The following TUBB6 variants were observed in gnomAD, a reference collection of about 807,000 sequenced individuals.
TUBB6 encodes the protein tubulin beta-6 chain.
TUBB6 carries 18 observed loss-of-function variants against 32.3 expected under a neutral mutation model. The observed-to-expected ratio is 0.56, with a 90% CI of 0.39 to 0.83. The LOEUF is 0.83. TUBB6 is among the 40% of genes least tolerant of loss of function. TUBB6 has a pLI of 0.00. For missense variants in TUBB6, 480 were observed against 632.0 expected (o/e 0.76, Z 2.58); for synonymous variants, 280 against 265.8 (o/e 1.05, Z -0.52).
intron 3 of TUBB6, among the ~76,000 whole-genome samples, chr18:12,319,673 G>C (rs1029035452): frequency 1.3e-5 from 2 of 152,154 alleles, no homozygotes; most frequent in African/African-American, 4.8e-5. Flanking sequence ...TTAAAGAAGA[G>C]CTGGGCTCAG....
chr18:12,315,129 A>G (rs994397902), intron 3 of TUBB6, among the ~76,000 whole-genome samples: 5 of 152,104 alleles, frequency 3.3e-5, no homozygotes, highest in African/African-American at 1.2e-4. Context: ...TAATCATGGT[A>G]TCATTTATAT....
chr18:12,319,826 G>A (rs1906886398), intron 3 of TUBB6, among the ~76,000 whole-genome samples: 3 of 151,916 alleles, frequency 2.0e-5, no homozygotes, highest in Non-Finnish European at 2.9e-5. Flanking sequence ...TCACTCTGTC[G>A]CCCAGGGTGG....
chr18:12,313,994 G>A (rs1027686730), intron 3 of TUBB6, among the ~76,000 whole-genome samples: 1 of 152,128 alleles, frequency 6.6e-6, no homozygotes, highest in East Asian at 1.9e-4. Flanking sequence ...TGTGAGAAAG[G>A]AAAAAGGACG....
At chr18:12,317,509 G>C (rs544949812) in intron 3 of TUBB6, among the ~76,000 whole-genome samples, 3 of 152,314 alleles carry the variant, frequency 2.0e-5, no homozygotes, top group Admixed American at 2.0e-4. Flanking sequence ...ATTGCTGGTT[G>C]CATAGCAGTC....
chr18:12,318,914 C>G (rs1449042813), intron 3 of TUBB6, among the ~76,000 whole-genome samples: 1 of 152,044 alleles, frequency 6.6e-6, no homozygotes, highest in African/African-American at 2.4e-5. Flanking sequence ...GCTCCCATAG[C>G]TGGTCTTATA....
At chr18:12,313,764 A>G (rs931615261) in intron 3 of TUBB6, among the ~76,000 whole-genome samples, 47 of 152,238 alleles carry the variant, frequency 3.1e-4, no homozygotes, top group Non-Finnish European at 5.1e-4. Flanking sequence ...GAGCAAATCA[A>G]TAATTTCCAT....
At chr18:12,313,427 G>C (rs558688034) in intron 3 of TUBB6, among the ~76,000 whole-genome samples, 1 of 152,198 alleles carries the variant, frequency 6.6e-6, no homozygotes, top group Non-Finnish European at 1.5e-5. Context: ...TTTGCGATCA[G>C]GTTACCAATC....
chr18:12,319,962 A>C (rs1906896018), intron 3 of TUBB6, among the ~76,000 whole-genome samples: 1 of 151,622 alleles, frequency 6.6e-6, no homozygotes, highest in Admixed American at 6.6e-5. Context: ...AATTTTTTTT[A>C]TATTTTTGGT....
chr18:12,308,306 T>C lies in TUBB6; in HGVS notation c.14T>C (p.Val5Ala). Residue 5 changes from valine (V) to alanine (A), a missense_variant, in exon 1 of 4, where the codon GTG becomes GCG. Physicochemically the swap from Val to Ala is moderately conservative, Grantham distance 64. Transcript: ENST00000317702. MREI[V>A]HIQAGQCGNQ... ...GCCGCGCCCGCCATGAGGGAGATCG[T>C]GCACATCCAGGCGGGCCAGTGCGGG... The C allele has an allele frequency of 6.7e-7, 1 of 1,482,046 alleles. No individual in the cohort carries two copies. The allele number at this position is 1,482,046 out of a possible 1,614,324, so 91.8% of individuals were successfully genotyped here. A position where few individuals can be genotyped will look rare whatever the true frequency, so the allele number is the denominator to read the frequency against.
At position 12,326,151 on chromosome 18, in the gene TUBB6, C is replaced by T; in HGVS notation, c.*21C>T. On this transcript the variant is annotated 3_prime_UTR_variant, in exon 4 of 4. Transcript: ENST00000317702. ...GATAGTCGGAATAGAGCCGCCCCAA[C>T]TCAGATCCTACAACACGCAAGTTCC... 6.3e-7 allele frequency: 1 copy of T among 1,595,822 alleles called. No individual in the cohort carries two copies. The highest frequency in any genetic ancestry group is 8.5e-7 in the Non-Finnish European group (1 of 1,170,226).
chr18:12,326,077 G>A lies in TUBB6; in HGVS notation c.1288G>A (p.Ala430Thr). The A allele has an allele frequency of 1.2e-6, 2 of 1,614,166 alleles. No homozygotes were observed. Among genetic ancestry groups the A allele is most frequent in the Non-Finnish European group, 8.5e-7 (1 of 1,180,032 alleles). ...GTACCAGCAGTACCAGGATGCCACCGCCAATGACGGGGAGGAAGCTTTTGA... is the reference window on the plus strand; with the variant it reads ...GTACCAGCAGTACCAGGATGCCACCACCAATGACGGGGAGGAAGCTTTTGA... ...SEYQQYQDAT[A>T]NDGEEAFEDE... Residue 430 changes from alanine to threonine, a missense_variant, in exon 4 of 4, where the codon GCC (alanine) becomes ACC (threonine). Coordinates refer to ENST00000317702, the MANE Select transcript of TUBB6 (RefSeq NM_032525.3).
intron 3 of TUBB6, among the ~76,000 whole-genome samples, chr18:12,313,111 C>G (rs911857928): frequency 6.0e-5 from 9 of 150,230 alleles, no homozygotes; most frequent in Admixed American, 3.3e-4. Context: ...TACAGATTAT[C>G]TACCAGAAAC....
intron 3 of TUBB6, among the ~76,000 whole-genome samples, chr18:12,318,521 T>G (rs1235481270): frequency 6.6e-6 from 1 of 151,814 alleles, no homozygotes; most frequent in African/African-American, 2.4e-5. Flanking sequence ...GGCATCTGCC[T>G]AGCCCGGCCC....
downstream of TUBB6, among the ~76,000 whole-genome samples, chr18:12,328,200 C>A (rs117864201): frequency 0.018 from 2,734 of 152,332 alleles, 28 homozygotes; most frequent in Non-Finnish European, 0.029. Context: ...ATGGGTGGAG[C>A]ATGCATGGCC....
chr18:12,323,691 A>G (rs1221644179), intron 3 of TUBB6, among the ~76,000 whole-genome samples: 1 of 151,854 alleles, frequency 6.6e-6, no homozygotes, highest in African/African-American at 2.4e-5. Flanking sequence ...GCCTGTAGTC[A>G]CAGCTACTTG....
downstream of TUBB6, chr18:12,328,931 T>G (rs1214368196): frequency 2.1e-6 from 1 of 482,408 alleles, no homozygotes; most frequent in Non-Finnish European, 3.7e-6. Context: ...AGAGCATAAA[T>G]AGGGACCCTA....
intron 3 of TUBB6, among the ~76,000 whole-genome samples, chr18:12,313,358 A>G (rs1332099741): frequency 6.6e-6 from 1 of 152,230 alleles, no homozygotes; most frequent in Admixed American, 6.5e-5. Flanking sequence ...AATGACTAGC[A>G]CTTACAAGAC....
At chr18:12,322,610 G>A (rs1456293594) in intron 3 of TUBB6, among the ~76,000 whole-genome samples, 1 of 152,118 alleles carries the variant, frequency 6.6e-6, no homozygotes, top group Non-Finnish European at 1.5e-5. Context: ...TGATTTTTGG[G>A]ATGTAACTCT....
chr18:12,319,059 G>A (rs1032139832), intron 3 of TUBB6, among the ~76,000 whole-genome samples: 5 of 152,090 alleles, frequency 3.3e-5, no homozygotes, highest in Admixed American at 2.0e-4. Flanking sequence ...GGTGGCCCCT[G>A]AGGTTTTATT....
Sources: gnomAD v4.1 joint callset for allele counts (sites outside exome capture counted in the v4.1 genomes callset) on GRCh38, gnomAD v4.1.1 for gene constraint, MANE v1.5 for transcripts, NCBI Gene and HGNC (gene_info 2026-07-23, HGNC 2026-07-21) for gene names.